TTC23: variants seen among roughly 807,000 people sequenced by gnomAD.
The protein encoded by TTC23 is tetratricopeptide repeat protein 23.
Under a neutral mutation model 55.1 loss-of-function variants are expected in TTC23, and 58 were observed. The observed-to-expected ratio is 1.05, with a 90% CI of 0.85 to 1.31. TTC23 has a LOEUF of 1.31. Ranked by LOEUF, TTC23 falls within the 50% of genes most tolerant of loss-of-function variation. The pLI is 0.00. For missense variants in TTC23, 516 were observed against 534.4 expected (o/e 0.97, Z 0.34); for synonymous variants, 203 against 199.9 (o/e 1.02, Z -0.13).
chr15:99,250,194 TTC>T (rs1310810589), upstream of TTC23, among the ~76,000 whole-genome samples: 2 of 152,174 alleles, frequency 1.3e-5, no homozygotes, highest in Non-Finnish European at 2.9e-5. Context: ...AGCAAAAAAT[TTC>T]TGAGTGCCAC....
chr15:99,210,460 C>T (rs1295310880), intron 8 of TTC23, among the ~76,000 whole-genome samples: 9 of 152,248 alleles, frequency 5.9e-5, no homozygotes, highest in African/African-American at 1.9e-4. Flanking sequence ...AAAGCAATTT[C>T]CTTCTTTGTT....
chr15:99,163,468 A>G (rs907452753), intron 10 of TTC23, among the ~76,000 whole-genome samples: 1 of 152,222 alleles, frequency 6.6e-6, no homozygotes, highest in Non-Finnish European at 1.5e-5. Flanking sequence ...CTGGCCAACA[A>G]TGCAATTTCA....
intron 5 of TTC23, among the ~76,000 whole-genome samples, chr15:99,228,083 T>G (rs2602030): frequency 0.8 from 122,417 of 152,194 alleles, 49,542 homozygotes; most frequent in African/African-American, 0.9. Flanking sequence ...CACATATTAG[T>G]CATACAATAG....
chr15:99,222,889 C>G (rs952631988), intron 5 of TTC23, among the ~76,000 whole-genome samples: 1 of 151,982 alleles, frequency 6.6e-6, no homozygotes, highest in Non-Finnish European at 1.5e-5. Flanking sequence ...CCCAGCTACT[C>G]GGGAGGCTGG....
At chr15:99,149,164 C>G (rs2069367944) in intron 12 of TTC23, among the ~76,000 whole-genome samples, 1 of 152,210 alleles carries the variant, frequency 6.6e-6, no homozygotes, top group African/African-American at 2.4e-5. Context: ...CAGTCAGCAG[C>G]AGATGTGAAA....
In TTC23 at chr15:99,218,589, G is replaced by A. The variant is rs1457097336; in HGVS notation, c.580C>T (p.Gln194Ter). The A allele has an allele frequency of 1.2e-6, 2 of 1,614,004 alleles. No homozygotes were observed. Among genetic ancestry groups the A allele is most frequent in the Admixed American group, 1.7e-5 (1 of 60,006 alleles). The stretch of plus-strand genomic sequence containing the variant: ...CAAAATCCTAAACTTGAAACTTACT[G>A]TGCAAATGATAATCTGATCCGTGCT... ...IEARIRLSFAQVYQGQKKSKE... is the reference protein window; with the variant it reads ...IEARIRLSFA Residue 194 changes from glutamine to a stop codon, truncating the protein, a stop_gained and splice_region_variant, in exon 8 of 14, where the codon CAG becomes TAG. Transcript: ENST00000394132. LOFTEE classifies it high-confidence loss of function.
At chr15:99,240,284 G>A (rs1382713224) in intron 3 of TTC23, among the ~76,000 whole-genome samples, 1 of 151,938 alleles carries the variant, frequency 6.6e-6, no homozygotes, top group Non-Finnish European at 1.5e-5. Flanking sequence ...TTCTTTTTTG[G>A]CTTAATTGTA....
At chr15:99,181,240 T>C (rs2074086008) in intron 9 of TTC23, among the ~76,000 whole-genome samples, 1 of 152,174 alleles carries the variant, frequency 6.6e-6, no homozygotes, top group African/African-American at 2.4e-5. Flanking sequence ...GATTTTCTAA[T>C]CAATGTAATG....
chr15:99,183,629 G>A (rs2074383632), intron 9 of TTC23, among the ~76,000 whole-genome samples: 1 of 150,556 alleles, frequency 6.6e-6, no homozygotes, highest in African/African-American at 2.4e-5. Context: ...ATGAGCCATC[G>A]CTCCTGGCCT....
intron 9 of TTC23, among the ~76,000 whole-genome samples, chr15:99,192,293 T>C (rs1316982147): frequency 6.6e-6 from 1 of 152,060 alleles, no homozygotes; most frequent in Admixed American, 6.6e-5. Context: ...ATGGGGAAAA[T>C]GTCTCCAGGG....
At position 99,225,160 on chromosome 15, in the gene TTC23, C is replaced by T. The variant is rs565615531; in HGVS notation, c.181-3296G>A. 3.9e-5 allele frequency among the ~76,000 whole-genome samples: 6 copies of T among 152,268 alleles called. No individual in the cohort carries two copies. In the South Asian group the frequency reaches 1.2e-3, roughly 32 times the overall value. ...GGCTTCCCTGATAATAGCCTTGGTT[C>T]TCAGGACCTGAGTAGGGATAGAGGT... On this transcript the variant is annotated intron_variant, in intron 5 of 13. Transcript: ENST00000394132.
At chr15:99,180,735 T>G (rs2074035036) in intron 9 of TTC23, among the ~76,000 whole-genome samples, 1 of 152,160 alleles carries the variant, frequency 6.6e-6, no homozygotes, top group Admixed American at 6.5e-5. Flanking sequence ...TCCCCCCACT[T>G]TGTAATAATT....
At chr15:99,167,929 C>A (rs999929431) in intron 10 of TTC23, among the ~76,000 whole-genome samples, 2 of 152,180 alleles carry the variant, frequency 1.3e-5, no homozygotes, top group Non-Finnish European at 2.9e-5. Context: ...CATAGCCTGG[C>A]GCTAACCTGG....
chr15:99,184,278 C>T (rs1216852068), intron 9 of TTC23, among the ~76,000 whole-genome samples: 2 of 152,132 alleles, frequency 1.3e-5, no homozygotes, highest in African/African-American at 4.8e-5. Flanking sequence ...AAGAGGGCCA[C>T]GGTCCTCCAG....
chr15:99,172,962 G>A (rs1203922656), intron 10 of TTC23, among the ~76,000 whole-genome samples: 1 of 152,166 alleles, frequency 6.6e-6, no homozygotes, highest in East Asian at 1.9e-4. Flanking sequence ...TCACAGCTAT[G>A]GGACAATAGC....
intron 9 of TTC23, among the ~76,000 whole-genome samples, chr15:99,187,298 C>G (rs2074760794): frequency 6.6e-6 from 1 of 151,426 alleles, no homozygotes; most frequent in South Asian, 2.1e-4. Flanking sequence ...GACCCCTATA[C>G]CTCACACTGT....
At chr15:99,163,619 C>T (rs1409414653) in intron 10 of TTC23, among the ~76,000 whole-genome samples, 1 of 152,150 alleles carries the variant, frequency 6.6e-6, no homozygotes, top group African/African-American at 2.4e-5. Context: ...ATTTATGTCC[C>T]CCTCAAATTC....
chr15:99,249,101 C>A (rs1014157215), intron 1 of TTC23, 70 bp downstream of exon 1: 1 of 152,074 alleles, frequency 6.6e-6, no homozygotes, highest in Non-Finnish European at 1.5e-5. Flanking sequence ...ACTTAAGCAA[C>A]AATAACGAAG....
At chr15:99,224,024 G>A (rs755159112) in intron 5 of TTC23, among the ~76,000 whole-genome samples, 1 of 152,202 alleles carries the variant, frequency 6.6e-6, no homozygotes, top group Non-Finnish European at 1.5e-5. Context: ...CAAAGGGCTT[G>A]CATTTCCACA....
Sources: gnomAD v4.1 joint callset for allele counts (sites outside exome capture counted in the v4.1 genomes callset) on GRCh38, gnomAD v4.1.1 for gene constraint, MANE v1.5 for transcripts, NCBI Gene and HGNC (gene_info 2026-07-23, HGNC 2026-07-21) for gene names.